The following CA10 variants were observed in gnomAD, a reference collection of about 807,000 sequenced individuals.
CA10 encodes the protein carbonic anhydrase-related protein 10.
In CA10, 14 loss-of-function variants were observed where a neutral mutation model predicts 44.2. The observed-to-expected ratio is 0.32, with a 90% CI of 0.21 to 0.50. The LOEUF (loss-of-function observed/expected upper bound fraction) is 0.50, where lower values mean the gene tolerates loss of function less well. Ranked by LOEUF, CA10 falls within the 20% of genes least tolerant of loss-of-function variation. CA10 has a pLI of 0.99. For missense variants in CA10, 350 were observed against 409.7 expected, an observed-to-expected ratio of 0.85 and a Z score of 1.26; for synonymous variants, 159 against 141.6, an observed-to-expected ratio of 1.12 and a Z score of -0.87.
At chr17:51,922,511 G>A (rs1478691614) in intron 3 of CA10, among the ~76,000 whole-genome samples, 1 of 152,098 alleles carries the variant, frequency 6.6e-6, no homozygotes, top group Non-Finnish European at 1.5e-5. Context: ...TGAAACCATT[G>A]ACAAATGATT....
At chr17:51,834,977 T>A (rs1488991497) in intron 3 of CA10, among the ~76,000 whole-genome samples, 1 of 152,128 alleles carries the variant, frequency 6.6e-6, no homozygotes, top group African/African-American at 2.4e-5. Context: ...CCAGATATAG[T>A]GTGAGGTTGT....
chr17:51,804,228 T>G (rs56407329), intron 3 of CA10, among the ~76,000 whole-genome samples: 3,837 of 152,262 alleles, frequency 0.025, 159 homozygotes, highest in African/African-American at 0.086. Flanking sequence ...TTCTATAAAT[T>G]AATCTGGAGG....
chr17:52,028,492 C>G (rs1024368021), intron 2 of CA10, among the ~76,000 whole-genome samples: 1 of 152,058 alleles, frequency 6.6e-6, no homozygotes, highest in Non-Finnish European at 1.5e-5. Context: ...TACTGAAAAC[C>G]TTTTAAAGGT....
intron 2 of CA10, among the ~76,000 whole-genome samples, chr17:51,933,389 T>C (rs1312744408): frequency 6.6e-6 from 1 of 152,062 alleles, no homozygotes; most frequent in African/African-American, 2.4e-5. Flanking sequence ...GATAATACTC[T>C]GCTGGCTTTG....
intron 4 of CA10, among the ~76,000 whole-genome samples, chr17:51,694,812 T>C (rs887017104): frequency 1.3e-5 from 2 of 152,220 alleles, no homozygotes; most frequent in African/African-American, 4.8e-5. Context: ...CATTAATATA[T>C]CTTGAGTGAG....
chr17:51,802,580 A>C (rs1164417507), intron 3 of CA10, among the ~76,000 whole-genome samples: 2 of 151,532 alleles, frequency 1.3e-5, no homozygotes, highest in Non-Finnish European at 2.9e-5. Context: ...AAAAAAAAAA[A>C]AAAAAAAACA....
At position 52,116,445 on chromosome 17, in the gene CA10, C is replaced by T. The variant is rs149175173; in HGVS notation, c.61+41281G>A. 1.2e-3 allele frequency among the ~76,000 whole-genome samples: 178 copies of T among 152,182 alleles called. 1 individual carries two copies. The highest frequency in any genetic ancestry group is 3.6e-3 in the African/African-American group (149 of 41,504). ...GAACTTGAAGGCTACTGACAGCAGG[C>T]GGGACATGGAGTTCATGGGTAAGAG... is the stretch of plus-strand genomic sequence containing the variant. On this transcript the variant is annotated intron_variant, in intron 1 of 8. Transcript: ENST00000451037.
chr17:51,745,187 T>G (rs1239203117), intron 4 of CA10, among the ~76,000 whole-genome samples: 5 of 152,166 alleles, frequency 3.3e-5, no homozygotes, highest in Admixed American at 3.3e-4. Flanking sequence ...TGTGATTTTG[T>G]TGATTAAGTC....
chr17:51,712,657 C>A (rs1213825850), intron 4 of CA10, among the ~76,000 whole-genome samples: 5 of 152,172 alleles, frequency 3.3e-5, no homozygotes, highest in Non-Finnish European at 5.9e-5. Context: ...TAAAGCCAGG[C>A]ACATTGAGAA....
intron 2 of CA10, among the ~76,000 whole-genome samples, chr17:51,994,956 C>A (rs540505726): frequency 4.1e-4 from 62 of 152,138 alleles, no homozygotes; most frequent in Middle Eastern, 3.4e-3. Flanking sequence ...AATCACCTCT[C>A]AGACTTTATT....
At chr17:51,774,993 A>G (rs906453013) in intron 3 of CA10, among the ~76,000 whole-genome samples, 3 of 152,096 alleles carry the variant, frequency 2.0e-5, no homozygotes, top group Non-Finnish European at 4.4e-5. Flanking sequence ...CAGATGGGTA[A>G]GCAGGTTCCC....
intron 6 of CA10, among the ~76,000 whole-genome samples, chr17:51,647,192 ATC>A (rs1913375472): frequency 6.6e-6 from 1 of 152,100 alleles, no homozygotes; most frequent in African/African-American, 2.4e-5. Flanking sequence ...GCTCCAGAAC[ATC>A]TTTCTTGCCA....
chr17:51,866,315 T>G (rs908627128), intron 3 of CA10, among the ~76,000 whole-genome samples: 1 of 152,188 alleles, frequency 6.6e-6, no homozygotes, highest in Non-Finnish European at 1.5e-5. Flanking sequence ...TGCTTAAAGG[T>G]GGACTGGAGT....
chr17:51,685,491 C>T (rs1914977087), intron 4 of CA10, among the ~76,000 whole-genome samples: 1 of 152,138 alleles, frequency 6.6e-6, no homozygotes, highest in African/African-American at 2.4e-5. Context: ...CGTAATGGCC[C>T]TGCAAGAAGG....
At chr17:51,921,558 T>C (rs1982234717) in intron 3 of CA10, among the ~76,000 whole-genome samples, 2 of 152,234 alleles carry the variant, frequency 1.3e-5, no homozygotes, top group Admixed American at 6.5e-5. Context: ...TTCTGTACTT[T>C]ACTGTGTCAA....
At chr17:51,940,075 A>T (rs1983019192) in intron 2 of CA10, among the ~76,000 whole-genome samples, 2 of 152,100 alleles carry the variant, frequency 1.3e-5, no homozygotes, top group African/African-American at 2.4e-5. Flanking sequence ...TAATATTTGT[A>T]TATGCTATGA....
intron 3 of CA10, among the ~76,000 whole-genome samples, chr17:51,873,309 A>T (rs766169798): frequency 2.0e-5 from 3 of 152,176 alleles, no homozygotes; most frequent in Non-Finnish European, 4.4e-5. Flanking sequence ...GCTACTTTTC[A>T]GTTTGTACCA....
chr17:51,955,497 CA>C (rs1464636961), intron 2 of CA10, among the ~76,000 whole-genome samples: 1 of 152,132 alleles, frequency 6.6e-6, no homozygotes, highest in African/African-American at 2.4e-5. Flanking sequence ...TCAAACATGC[CA>C]CTGGCTGCCC....
intron 4 of CA10, among the ~76,000 whole-genome samples, chr17:51,745,049 G>T (rs889428421): frequency 1.3e-5 from 2 of 152,136 alleles, no homozygotes; most frequent in African/African-American, 2.4e-5. Context: ...TTGGAGCAGT[G>T]GATGTGTGTG....
Sources: gnomAD v4.1 joint callset for allele counts (sites outside exome capture counted in the v4.1 genomes callset) on GRCh38, gnomAD v4.1.1 for gene constraint, MANE v1.5 for transcripts, NCBI Gene and HGNC (gene_info 2026-07-23, HGNC 2026-07-21) for gene names.